The following SPP2 variants were observed in gnomAD, a reference collection of about 807,000 sequenced individuals.
SPP2 encodes secreted phosphoprotein 2.
SPP2 carries 34 observed loss-of-function variants against 28.8 expected under a neutral mutation model. The observed-to-expected ratio is 1.18, with a 90% CI of 0.90 to 1.57. The LOEUF is 1.57. SPP2 is among the 40% of genes most tolerant of loss of function. SPP2 has a pLI of 0.00. For synonymous variants in SPP2, 96 were observed against 89.4 expected (o/e 1.07, Z -0.42); for missense variants, 269 against 263.9 (o/e 1.02, Z -0.13).
chr2:234,055,574 T>C (rs1482343258), intron 2 of SPP2, among the ~76,000 whole-genome samples: 1 of 152,224 alleles, frequency 6.6e-6, no homozygotes, highest in Non-Finnish European at 1.5e-5. Context: ...TTTATTTTTA[T>C]ATATTTGTAT....
chr2:234,064,033 G>T (rs1387107945), intron 4 of SPP2, among the ~76,000 whole-genome samples: 1 of 152,124 alleles, frequency 6.6e-6, no homozygotes, highest in East Asian at 1.9e-4. Context: ...AGAGAAGTTG[G>T]CTTCAGGGAC....
At chr2:234,067,373 T>C (rs922344180) in intron 6 of SPP2, 99 bp downstream of exon 6, 6 of 1,070,146 alleles carry the variant, frequency 5.6e-6, no homozygotes, top group Non-Finnish European at 8.4e-6. Flanking sequence ...TTCATAGGAG[T>C]TAAATCTCTG....
rs368309125 is a variant in SPP2 at position 234,063,305 on chromosome 2, G to GA, written c.444+2831dup. Among the ~76,000 whole-genome samples, 28 of 152,084 alleles carry GA rather than the reference G, an allele frequency of 1.8e-4. 3 individuals are homozygous for GA. The highest frequency in any genetic ancestry group is 6.7e-4 in the African/African-American group (28 of 41,532). ...AGAGTAATAAAAATAAAGATCACTTGAAAAACATATAGAGAATGTAGAAGA... is the reference window on the plus strand; with the variant it reads ...AGAGTAATAAAAATAAAGATCACTTGAAAAAACATATAGAGAATGTAGAAGA... On this transcript the variant is annotated intron_variant, in intron 4 of 7. Coordinates refer to ENST00000168148, the MANE Select transcript of SPP2 (RefSeq NM_006944.3).
At chr2:234,069,366 C>G (rs1162778140) in intron 6 of SPP2, among the ~76,000 whole-genome samples, 20 of 152,118 alleles carry the variant, frequency 1.3e-4, no homozygotes, top group Admixed American at 1.3e-3. Flanking sequence ...AGTGTGAATA[C>G]CAGGAAGCCA....
intron 7 of SPP2, among the ~76,000 whole-genome samples, chr2:234,072,986 C>T (rs1690827225): frequency 6.6e-6 from 1 of 152,212 alleles, no homozygotes; most frequent in African/African-American, 2.4e-5. Flanking sequence ...CTCCCAGGTT[C>T]AAGCGATTCT....
In SPP2 at chr2:234,076,028, T is replaced by C. The variant is rs546669070; in HGVS notation, c.*11-817T>C. ...TTCCAGCTGCATCTCTAGCCTGCTA[T>C]GTTCAGCATTTTCCTGGTGGCTGTG... On this transcript the variant is annotated intron_variant, in intron 7 of 7. Transcript: ENST00000168148. Among the ~76,000 whole-genome samples, 46 of 152,332 alleles carry C rather than the reference T, an allele frequency of 3.0e-4. 1 individual carries two copies. The South Asian group carries it at 9.5e-3, about 32-fold the overall frequency.
chr2:234,062,470 G>A (rs1192962608), intron 4 of SPP2, among the ~76,000 whole-genome samples: 1 of 152,148 alleles, frequency 6.6e-6, no homozygotes, highest in Non-Finnish European at 1.5e-5. Context: ...TGGAGCTGGA[G>A]GAACATTAGC....
chr2:234,064,870 T>C (rs759116633), intron 4 of SPP2, among the ~76,000 whole-genome samples: 15 of 152,264 alleles, frequency 9.9e-5, no homozygotes, highest in Non-Finnish European at 2.1e-4. Context: ...TTTATCCATG[T>C]TGTAGCATGC....
At chr2:234,056,731 C>G (rs957390157) in intron 2 of SPP2, among the ~76,000 whole-genome samples, 1 of 152,014 alleles carries the variant, frequency 6.6e-6, no homozygotes, top group Non-Finnish European at 1.5e-5. Flanking sequence ...TAATGAGACA[C>G]AGATTTAACG....
At chr2:234,064,589 T>C (rs573409811) in intron 4 of SPP2, among the ~76,000 whole-genome samples, 1 of 152,236 alleles carries the variant, frequency 6.6e-6, no homozygotes, top group Admixed American at 6.5e-5. Flanking sequence ...TTACATACCA[T>C]AGAATTCACC....
At chr2:234,052,491 C>T (rs946275247) in intron 2 of SPP2, among the ~76,000 whole-genome samples, 2 of 152,134 alleles carry the variant, frequency 1.3e-5, no homozygotes, top group Admixed American at 6.5e-5. Context: ...TTACTGACAC[C>T]GTGGAAATCT....
At chr2:234,054,373 C>T (rs1281813931) in intron 2 of SPP2, among the ~76,000 whole-genome samples, 1 of 152,176 alleles carries the variant, frequency 6.6e-6, no homozygotes, top group Non-Finnish European at 1.5e-5. Flanking sequence ...ATTTGCAAAA[C>T]ATCTCTGCTT....
intron 2 of SPP2, 75 bp downstream of exon 2, chr2:234,051,170 TTTAAGAAA>T (rs1374486918): frequency 6.5e-7 from 1 of 1,545,906 alleles, no homozygotes; most frequent in African/African-American, 1.4e-5. Context: ...TGGATATACT[TTTAAGAAA>T]TTTTCTCCAG....
Position 234,070,339 on chromosome 2 carries a change from C to T in SPP2, c.*10+316C>T, listed in dbSNP as rs545721425. Among the ~76,000 whole-genome samples, 205 of 152,356 alleles carry T rather than the reference C, an allele frequency of 1.3e-3. 3 individuals carry two copies. Among genetic ancestry groups the T allele is most frequent in the Non-Finnish European group, 2.0e-3 (136 of 68,024 alleles). ...ATCTAAGCAACTGCCTTCCCTCCGT[C>T]CTTCCTTCCTTGCTAAACTTTTTGA... On this transcript the variant is annotated intron_variant, in intron 7 of 7. Transcript: ENST00000168148.
intron 2 of SPP2, 43 bp downstream of exon 2, chr2:234,051,138 T>C: frequency 6.3e-7 from 1 of 1,599,960 alleles, no homozygotes; most frequent in Non-Finnish European, 8.6e-7. Context: ...CTTCCAATGC[T>C]GTCTGCCTTT....
chr2:234,069,153 A>G (rs1370475208), intron 6 of SPP2, among the ~76,000 whole-genome samples: 1 of 151,884 alleles, frequency 6.6e-6, no homozygotes, highest in Non-Finnish European at 1.5e-5. Flanking sequence ...TCCTCAAATC[A>G]TGACAGCTGG....
At chr2:234,073,973 T>C (rs1690846534) in intron 7 of SPP2, among the ~76,000 whole-genome samples, 1 of 152,230 alleles carries the variant, frequency 6.6e-6, no homozygotes, top group South Asian at 2.1e-4. Flanking sequence ...CAAGTATGCC[T>C]GGGCCTGTGT....
At chr2:234,074,764 T>A (rs982620295) in intron 7 of SPP2, among the ~76,000 whole-genome samples, 2 of 152,184 alleles carry the variant, frequency 1.3e-5, no homozygotes, top group Non-Finnish European at 2.9e-5. Context: ...GATTAGTCTA[T>A]AACCTTGCTT....
chr2:234,059,850 C>G (rs985949834), intron 3 of SPP2, among the ~76,000 whole-genome samples: 1 of 152,184 alleles, frequency 6.6e-6, no homozygotes. Context: ...AAAAGGGCAA[C>G]ACCAGCAGTC....
Sources: gnomAD v4.1 joint callset for allele counts (sites outside exome capture counted in the v4.1 genomes callset) on GRCh38, gnomAD v4.1.1 for gene constraint, MANE v1.5 for transcripts, NCBI Gene and HGNC (gene_info 2026-07-23, HGNC 2026-07-21) for gene names.